ASIC4: variants seen among roughly 807,000 people sequenced by gnomAD.
ASIC4 encodes the protein acid-sensing ion channel 4.
In ASIC4, 28 loss-of-function variants were observed where a neutral mutation model predicts 53.4. That is an observed-to-expected ratio of 0.52 (90% CI 0.39 to 0.72). ASIC4 has a LOEUF of 0.72. Ranked by LOEUF, ASIC4 falls within the 30% of genes least tolerant of loss-of-function variation. ASIC4 has a pLI of 0.00. For synonymous variants in ASIC4, 289 were observed against 301.4 expected (o/e 0.96, Z 0.43); for missense variants, 649 against 729.7 (o/e 0.89, Z 1.27).
chr2:219,527,538 C>T (rs918996357), intron 1 of ASIC4, among the ~76,000 whole-genome samples: 4 of 152,164 alleles, frequency 2.6e-5, no homozygotes, highest in Non-Finnish European at 4.4e-5. Context: ...CTCCGAGAGT[C>T]AGGAGCCTCC....
the ASIC4 span, among the ~76,000 whole-genome samples, chr2:219,507,442 A>C: frequency 6.6e-6 from 1 of 152,068 alleles, no homozygotes; most frequent in Non-Finnish European, 1.5e-5. Flanking sequence ...GGCTTTTGGC[A>C]GGGTGGGGGT....
intron 1 of ASIC4, among the ~76,000 whole-genome samples, chr2:219,528,302 C>T (rs202184665): frequency 2.0e-5 from 3 of 152,266 alleles, no homozygotes; most frequent in South Asian, 4.1e-4. Flanking sequence ...CAGCTCACTG[C>T]AACCTCTGCC....
chr2:219,522,204 C>G (rs1694896358), intron 1 of ASIC4, among the ~76,000 whole-genome samples: 1 of 152,144 alleles, frequency 6.6e-6, no homozygotes, highest in Non-Finnish European at 1.5e-5. Flanking sequence ...AGCAAGAGTT[C>G]AGAGAGGAGC....
Position 219,537,006 on chromosome 2 carries a change from C to T in ASIC4, c.1230-60C>T. The T allele has an allele frequency of 6.8e-7, 1 of 1,479,274 alleles. No homozygotes were observed. The highest frequency in any genetic ancestry group is 9.4e-7 in the Non-Finnish European group (1 of 1,064,102). The allele number at this position is 1,479,274 out of a possible 1,614,324, so 91.6% of individuals were successfully genotyped here. ...TCAGGATCTGCTGGATCCAGGATGC[C>T]CCTGCCAGCCTTCTCAGGAAGAGAG... On this transcript the variant is annotated intron_variant, in intron 6 of 9. Transcript: ENST00000358078. This position sits in a 1 kb window ranked among gnomAD's most constrained non-coding sequence, Gnocchi z 4.9.
upstream of ASIC4, chr2:219,514,436 T>C: frequency 1.3e-6 from 2 of 1,549,548 alleles, no homozygotes; most frequent in Non-Finnish European, 1.7e-6. Context: ...ACGCAGGGGC[T>C]GACAGCTGTG....
In ASIC4 at chr2:219,537,189, TG is replaced by T. The variant is rs776322044; in HGVS notation, c.1321+37del. 13 of 1,612,242 alleles carry T rather than the reference TG, an allele frequency of 8.1e-6. No homozygotes were observed. The highest frequency in any genetic ancestry group is 1.1e-5 in the Non-Finnish European group (13 of 1,178,624). ...CTGGTGTCCCTGCCCCCAGCTTGTG[TG>T]GGGGTGGATCGGCCCGGCCGCTCCC... On this transcript the variant is annotated intron_variant, in intron 7 of 9. Coordinates refer to ENST00000358078, the MANE Select transcript of ASIC4 (RefSeq NM_018674.6). The surrounding 1 kb of genome is among the most constrained non-coding windows in gnomAD (Gnocchi z 4.9).
intron 1 of ASIC4, among the ~76,000 whole-genome samples, chr2:219,523,616 T>C (rs1012317522): frequency 3.9e-5 from 6 of 152,192 alleles, no homozygotes; most frequent in African/African-American, 1.4e-4. Context: ...ATGCCCCTCC[T>C]GGGTGAGCCA....
intron 1 of ASIC4, among the ~76,000 whole-genome samples, chr2:219,525,010 T>G (rs1694941604): frequency 6.6e-6 from 1 of 152,234 alleles, no homozygotes; most frequent in Non-Finnish European, 1.5e-5. Context: ...CCATTCCCCT[T>G]TTACAGATGA....
At position 219,517,611 on chromosome 2, in the gene ASIC4, A is replaced by G. The variant is rs1228017099; in HGVS notation, c.582+2305A>G. Among the ~76,000 whole-genome samples, 4 of 152,194 alleles carry G rather than the reference A, an allele frequency of 2.6e-5. No individual in the cohort carries two copies. The highest frequency in any genetic ancestry group is 4.4e-5 in the Non-Finnish European group (3 of 68,020). ...GAATTACAGATTGGGCTGGGGGCCC[A>G]TGATCCATGGTAGTGGGGAAGATGG... On this transcript the variant is annotated intron_variant, in intron 1 of 9. Transcript: ENST00000358078. The surrounding 1 kb of genome is among the most constrained non-coding windows in gnomAD (Gnocchi z 4.2).
intron 5 of ASIC4, 142 bp downstream of exon 5, chr2:219,533,081 A>T (rs748613748): frequency 2.1e-6 from 2 of 935,478 alleles, no homozygotes; most frequent in East Asian, 4.9e-5. Context: ...CCCATACTTC[A>T]GTGGGGTTGG....
At chr2:219,513,989 C>T (rs944530590), upstream of ASIC4, among the ~76,000 whole-genome samples, 8 of 152,124 alleles carry the variant, frequency 5.3e-5, no homozygotes, top group Admixed American at 1.3e-4. Flanking sequence ...TGCTGTGAGT[C>T]GGGTAGTGGG....
intron 1 of ASIC4, among the ~76,000 whole-genome samples, chr2:219,525,471 G>A (rs967765202): frequency 6.6e-6 from 1 of 152,184 alleles, no homozygotes; most frequent in East Asian, 1.9e-4. Context: ...ATGTTGGCCC[G>A]TGAACCTGGG....
intron 1 of ASIC4, among the ~76,000 whole-genome samples, chr2:219,529,685 C>T (rs563555288): frequency 2.6e-4 from 39 of 152,186 alleles, no homozygotes; most frequent in Non-Finnish European, 4.3e-4. Context: ...CACTTCACTT[C>T]TCTGAGCTGT....
At chr2:219,525,692 T>C (rs1694951797) in intron 1 of ASIC4, among the ~76,000 whole-genome samples, 1 of 152,210 alleles carries the variant, frequency 6.6e-6, no homozygotes, top group African/African-American at 2.4e-5. Context: ...TGAACCTGGA[T>C]ACTGGGCCAC....
upstream of ASIC4, among the ~76,000 whole-genome samples, chr2:219,511,111 C>T (rs1694696054): frequency 6.6e-6 from 1 of 152,184 alleles, no homozygotes; most frequent in African/African-American, 2.4e-5. The surrounding 1 kb of genome is among the most constrained non-coding windows in gnomAD (Gnocchi z 5.3). Flanking sequence ...CCTCTGGGTG[C>T]AGGGGGAGGG....
At position 219,516,123 on chromosome 2, in the gene ASIC4, C is replaced by A. The variant is rs1318202948; in HGVS notation, c.582+817C>A. On this transcript the variant is annotated intron_variant, in intron 1 of 9. Coordinates refer to ENST00000358078, the MANE Select transcript of ASIC4 (RefSeq NM_018674.6). This position sits in a 1 kb window ranked among gnomAD's most constrained non-coding sequence, Gnocchi z 4.9. ...TGGGGGACACAGTTTCCTGCACACT[C>A]CCTCTCTCACTCACTGTCCCTGTCA... Among the ~76,000 whole-genome samples the A allele has an allele frequency of 6.6e-6, 1 of 152,098 alleles. No individual in the cohort carries two copies. Among genetic ancestry groups the A allele is most frequent in the African/African-American group, 2.4e-5 (1 of 41,400 alleles).
intron 1 of ASIC4, among the ~76,000 whole-genome samples, chr2:219,519,845 T>C (rs2125658107): frequency 1.3e-5 from 2 of 149,160 alleles, no homozygotes; most frequent in South Asian, 4.3e-4. Context: ...ATCTACTCTG[T>C]GGGCTGTGAT....
At position 219,532,142 on chromosome 2, in the gene ASIC4, G is replaced by T; in HGVS notation, c.855+14G>T. 3 of 1,613,970 alleles carry T rather than the reference G, an allele frequency of 1.9e-6. No individual in the cohort carries two copies. The highest frequency in any genetic ancestry group is 2.5e-6 in the Non-Finnish European group (3 of 1,180,002). On this transcript the variant is annotated intron_variant, in intron 3 of 9. Transcript: ENST00000358078. ...CAGGAACAGCGGGTGAGCATCTCCTGCTAGGCCCTGGATTGGGCACAGGGC... is the reference window on the plus strand; with the variant it reads ...CAGGAACAGCGGGTGAGCATCTCCTTCTAGGCCCTGGATTGGGCACAGGGC...
chr2:219,515,073 C>T lies in ASIC4; in HGVS notation c.349C>T (p.Leu117Phe). 2 of 1,613,822 alleles carry T rather than the reference C, an allele frequency of 1.2e-6. No homozygotes were observed. The highest frequency in any genetic ancestry group is 1.7e-6 in the Non-Finnish European group (2 of 1,180,004). Reference sequence around the variant, plus strand: ...AGTGGCGGGCTTCCCGGCTGTCACCCTCTGCAATATCAACCGCTTCCGGCA... The same window carrying T: ...AGTGGCGGGCTTCCCGGCTGTCACCTTCTGCAATATCAACCGCTTCCGGCA... ...APVAGFPAVTLCNINRFRHSA... is the reference protein window; with the variant it reads ...APVAGFPAVTFCNINRFRHSA... The change falls in exon 1 of 10, where the codon CTC (leucine) becomes TTC (phenylalanine). Residue 117 changes from leucine (L) to phenylalanine (F), a missense_variant. Transcript: ENST00000358078.
Sources: gnomAD v4.1 joint callset for allele counts (sites outside exome capture counted in the v4.1 genomes callset) on GRCh38, gnomAD v4.1.1 for gene constraint, Gnocchi (gnomAD v3.1) non-coding constraint, MANE v1.5 for transcripts, NCBI Gene and HGNC (gene_info 2026-07-23, HGNC 2026-07-21) for gene names.